The following JARID2 variants were observed in gnomAD, a reference collection of about 807,000 sequenced individuals.
JARID2 encodes the protein jumonji and AT-rich interaction domain containing 2.
JARID2 carries 21 observed loss-of-function variants against 125.6 expected under a neutral mutation model. That is an observed-to-expected ratio of 0.17 (90% confidence interval 0.12 to 0.24). JARID2 has a LOEUF of 0.24. JARID2 is among the 10% of genes least tolerant of loss of function. JARID2 has a pLI of 1.00. For missense variants in JARID2, 1,303 were observed against 1,639.6 expected (o/e 0.79, Z 3.55); for synonymous variants, 736 against 661.6 (o/e 1.11, Z -1.73).
chr6:15,475,511 G>A (rs1769296881), intron 5 of JARID2, among the ~76,000 whole-genome samples: 1 of 152,082 alleles, frequency 6.6e-6, no homozygotes, highest in Admixed American at 6.5e-5. Context: ...TTGCATAATC[G>A]CCTACCACCT....
At chr6:15,474,313 G>A (rs1460349910) in intron 5 of JARID2, among the ~76,000 whole-genome samples, 1 of 152,144 alleles carries the variant, frequency 6.6e-6, no homozygotes, top group Non-Finnish European at 1.5e-5. Flanking sequence ...GCCCAACATT[G>A]CTACTTCCTC....
At chr6:15,328,777 T>G (rs1762612772) in intron 1 of JARID2, among the ~76,000 whole-genome samples, 1 of 152,244 alleles carries the variant, frequency 6.6e-6, no homozygotes, top group African/African-American at 2.4e-5. Flanking sequence ...TGACTTCATT[T>G]ACACCTGTGC....
intron 1 of JARID2, among the ~76,000 whole-genome samples, chr6:15,331,457 A>G (rs1462593261): frequency 1.3e-5 from 2 of 152,222 alleles, no homozygotes; most frequent in African/African-American, 4.8e-5. Flanking sequence ...GCAACACTTT[A>G]AGAAATACCC....
intron 2 of JARID2, among the ~76,000 whole-genome samples, chr6:15,409,195 T>C (rs2127566999): frequency 6.6e-6 from 1 of 152,314 alleles, no homozygotes; most frequent in East Asian, 1.9e-4. Flanking sequence ...TCTGAGATAC[T>C]TCAGTCACAA....
intron 3 of JARID2, among the ~76,000 whole-genome samples, chr6:15,451,246 A>G (rs1767908053): frequency 6.6e-6 from 1 of 152,254 alleles, no homozygotes; most frequent in East Asian, 1.9e-4. Context: ...AAGGAATTGA[A>G]ATGTACTCTG....
chr6:15,410,875 A>C (rs1765846886), intron 3 of JARID2, among the ~76,000 whole-genome samples: 1 of 152,226 alleles, frequency 6.6e-6, no homozygotes, highest in African/African-American at 2.4e-5. Context: ...AAAACTTAGA[A>C]CAGCAGTTAT....
intron 1 of JARID2, among the ~76,000 whole-genome samples, chr6:15,347,810 A>G (rs1227663286): frequency 6.6e-6 from 1 of 152,020 alleles, no homozygotes; most frequent in African/African-American, 2.4e-5. Flanking sequence ...CTCTTCCTCC[A>G]GGCCTCAAGT....
At chr6:15,501,743 C>A (rs1770747248) in intron 8 of JARID2, among the ~76,000 whole-genome samples, 1 of 152,144 alleles carries the variant, frequency 6.6e-6, no homozygotes, top group Non-Finnish European at 1.5e-5. Context: ...CACGAAGATA[C>A]CACGAGTCCA....
intron 3 of JARID2, among the ~76,000 whole-genome samples, chr6:15,414,926 A>G (rs4712250): frequency 0.9 from 137,679 of 152,198 alleles, 62,332 homozygotes; most frequent in African/African-American, 0.95. Context: ...CAAGTGAACA[A>G]AGGTCTCTGG....
At chr6:15,394,783 T>TC (rs1347394880) in intron 2 of JARID2, among the ~76,000 whole-genome samples, 1 of 152,150 alleles carries the variant, frequency 6.6e-6, no homozygotes, top group African/African-American at 2.4e-5. Context: ...TGCAAAGGCC[T>TC]CAAAGCTCCA....
intron 1 of JARID2, 148 bp from the exon 2 acceptor site, chr6:15,373,969 A>T (rs1764260117): frequency 1.2e-6 from 1 of 823,414 alleles, no homozygotes; most frequent in Admixed American, 2.5e-5. Flanking sequence ...TTGCCCCTTT[A>T]CCTTATGGGT....
chr6:15,283,188 C>T lies in JARID2; in HGVS notation c.45+36604C>T, dbSNP rs144088926. ...AGAGACGGGGTTTCACCGTGTTAGC[C>T]AGGACGGTCTCGATCTGCCGACCTT... On this transcript the variant is annotated intron_variant, in intron 1 of 17. Coordinates refer to ENST00000341776, the MANE Select transcript of JARID2 (RefSeq NM_004973.4). Among the ~76,000 whole-genome samples, 83 of 149,472 alleles carry T rather than the reference C, an allele frequency of 5.6e-4. 1 individual carries two copies. Among genetic ancestry groups the T allele is most frequent in the African/African-American group, 1.8e-3 (71 of 40,402 alleles).
At chr6:15,434,819 G>C (rs1225059079) in intron 3 of JARID2, among the ~76,000 whole-genome samples, 1 of 152,136 alleles carries the variant, frequency 6.6e-6, no homozygotes, top group Non-Finnish European at 1.5e-5. Context: ...TGCTGGAAGA[G>C]GACTTTGAAG....
intron 1 of JARID2, among the ~76,000 whole-genome samples, chr6:15,255,890 C>G (rs1234650252): frequency 6.6e-6 from 1 of 152,132 alleles, no homozygotes; most frequent in Non-Finnish European, 1.5e-5. Context: ...TTTGGACAGG[C>G]TTGTGAATAT....
intron 5 of JARID2, among the ~76,000 whole-genome samples, chr6:15,476,302 G>C (rs1028711915): frequency 2.0e-5 from 3 of 152,184 alleles, no homozygotes; most frequent in Non-Finnish European, 4.4e-5. Context: ...GTTTCATCTT[G>C]TTTCTCCACA....
chr6:15,403,605 C>T (rs917160114), intron 2 of JARID2, among the ~76,000 whole-genome samples: 1 of 152,138 alleles, frequency 6.6e-6, no homozygotes, highest in Non-Finnish European at 1.5e-5. Context: ...TAGAGTCAGA[C>T]ATTTTCCTTA....
At chr6:15,364,739 A>G (rs547159752) in intron 1 of JARID2, among the ~76,000 whole-genome samples, 11 of 152,354 alleles carry the variant, frequency 7.2e-5, no homozygotes, top group South Asian at 4.1e-4. Context: ...CGCAATGTCA[A>G]TTGAAACCCT....
chr6:15,437,651 A>G (rs890592621), intron 3 of JARID2, among the ~76,000 whole-genome samples: 17 of 152,120 alleles, frequency 1.1e-4, no homozygotes, highest in African/African-American at 3.6e-4. Flanking sequence ...GAAAAAAAAA[A>G]CAGATTTAGT....
chr6:15,454,200 G>A (rs1243622486), intron 4 of JARID2, among the ~76,000 whole-genome samples: 1 of 152,030 alleles, frequency 6.6e-6, no homozygotes, highest in Non-Finnish European at 1.5e-5. Context: ...CCCACGATGG[G>A]AAACTCAGCC....
Sources: gnomAD v4.1 joint callset for allele counts (sites outside exome capture counted in the v4.1 genomes callset) on GRCh38, gnomAD v4.1.1 for gene constraint, MANE v1.5 for transcripts, NCBI Gene and HGNC (gene_info 2026-07-23, HGNC 2026-07-21) for gene names.